The following NRXN3 variants were observed in gnomAD, a reference collection of about 807,000 sequenced individuals.
NRXN3 encodes the protein neurexin III.
A neutral mutation model predicts 137.6 loss-of-function variants in NRXN3; 32 were observed. That is an observed-to-expected ratio of 0.23 (90% confidence interval 0.18 to 0.31). The LOEUF is 0.31. Ranked by LOEUF, NRXN3 falls within the 10% of genes least tolerant of loss-of-function variation. NRXN3 has a pLI of 1.00. For synonymous variants in NRXN3, 798 were observed against 784.5 expected, an observed-to-expected ratio of 1.02 and a Z score of -0.29; for missense variants, 1,574 against 2,062.5, an observed-to-expected ratio of 0.76 and a Z score of 4.59.
chr14:78,728,842 T>TGAGCTGA (rs1299496501), intron 8 of NRXN3, among the ~76,000 whole-genome samples: 3 of 152,166 alleles, frequency 2.0e-5, no homozygotes, highest in African/African-American at 2.4e-5. Flanking sequence ...GAGGTTGCAG[T>TGAGCTGA]GAGCTGAGAC....
At chr14:79,582,026 G>C (rs116615335) in intron 16 of NRXN3, among the ~76,000 whole-genome samples, 7 of 152,116 alleles carry the variant, frequency 4.6e-5, no homozygotes, top group African/African-American at 1.7e-4. Flanking sequence ...TCCCAGGCTC[G>C]TGATTCACCT....
chr14:79,443,134 T>C (rs547140696), intron 15 of NRXN3, among the ~76,000 whole-genome samples: 1 of 152,374 alleles, frequency 6.6e-6, no homozygotes, highest in Non-Finnish European at 1.5e-5. Flanking sequence ...TAATGTAAAA[T>C]CATTTACAAT....
At chr14:78,642,946 C>T (rs146350384) in intron 4 of NRXN3, among the ~76,000 whole-genome samples, 1 of 152,256 alleles carries the variant, frequency 6.6e-6, no homozygotes, top group African/African-American at 2.4e-5. Flanking sequence ...TATAGGTGAA[C>T]AGGTCTCTTT....
chr14:79,709,672 A>C (rs1002904438), intron 19 of NRXN3, among the ~76,000 whole-genome samples: 1 of 152,092 alleles, frequency 6.6e-6, no homozygotes, highest in Non-Finnish European at 1.5e-5. Context: ...CTCCTCCCGG[A>C]TACTGAGAGA....
At chr14:79,810,887 G>A (rs1418296049) in intron 20 of NRXN3, among the ~76,000 whole-genome samples, 1 of 152,192 alleles carries the variant, frequency 6.6e-6, no homozygotes, top group Non-Finnish European at 1.5e-5. Flanking sequence ...AGAATTTATA[G>A]ATAACAAGTA....
At position 79,864,442 on chromosome 14, in the gene NRXN3, A is replaced by G. The variant is rs1287422471; in HGVS notation, c.*2478A>G. Reference sequence around the variant, plus strand: ...AAACCTTGTATGCTGATGCACTTTTATTTTCTTAACATTTGAGAAAATCTC... The same window carrying G: ...AAACCTTGTATGCTGATGCACTTTTGTTTTCTTAACATTTGAGAAAATCTC... On this transcript the variant is annotated 3_prime_UTR_variant, in exon 21 of 21. Coordinates refer to ENST00000335750, the MANE Select transcript of NRXN3 (RefSeq NM_001330195.2). The G allele has an allele frequency of 6.6e-6, 1 of 152,568 alleles. No individual in the cohort carries two copies. The highest frequency in any genetic ancestry group is 1.9e-4 in the East Asian group (1 of 5,184). The allele number at this position is 152,568 out of a possible 1,614,324, so 9.5% of individuals were successfully genotyped here.
At chr14:79,813,041 G>A (rs944043958) in intron 20 of NRXN3, among the ~76,000 whole-genome samples, 1 of 152,018 alleles carries the variant, frequency 6.6e-6, no homozygotes, top group African/African-American at 2.4e-5. Flanking sequence ...TATACTGCCT[G>A]TCACTCCATA....
At chr14:78,745,759 G>T (rs981118769) in intron 8 of NRXN3, among the ~76,000 whole-genome samples, 3 of 152,116 alleles carry the variant, frequency 2.0e-5, no homozygotes, top group African/African-American at 7.2e-5. Flanking sequence ...CATCTCAATA[G>T]TTGATCCTCT....
chr14:78,682,386 C>T (rs1425028898), intron 6 of NRXN3, among the ~76,000 whole-genome samples: 1 of 144,636 alleles, frequency 6.9e-6, no homozygotes, highest in Non-Finnish European at 1.5e-5. Flanking sequence ...CTTCCCTGCA[C>T]CAAACATCTG....
At chr14:78,474,618 G>T (rs2095346311) in intron 4 of NRXN3, among the ~76,000 whole-genome samples, 1 of 151,920 alleles carries the variant, frequency 6.6e-6, no homozygotes, top group Non-Finnish European at 1.5e-5. Flanking sequence ...ATAAGTTCCT[G>T]GTTGCTAAGG....
chr14:79,387,636 A>G (rs1444765026), intron 15 of NRXN3, among the ~76,000 whole-genome samples: 1 of 130,146 alleles, frequency 7.7e-6, no homozygotes, highest in Non-Finnish European at 1.7e-5. Flanking sequence ...TCATGTTGCT[A>G]TAAAGACACA....
At chr14:79,273,044 C>T (rs192866074) in intron 15 of NRXN3, among the ~76,000 whole-genome samples, 3 of 151,718 alleles carry the variant, frequency 2.0e-5, no homozygotes, top group East Asian at 2.0e-4. Context: ...TGGTGGCTTG[C>T]GCCTGTAATT....
intron 4 of NRXN3, among the ~76,000 whole-genome samples, chr14:78,642,856 T>A (rs562195297): frequency 3.9e-5 from 6 of 152,228 alleles, no homozygotes; most frequent in Non-Finnish European, 5.9e-5. Context: ...TTTATTATTT[T>A]TGGGGGGCTA....
intron 15 of NRXN3, among the ~76,000 whole-genome samples, chr14:79,167,687 A>G (rs1212824654): frequency 6.7e-6 from 1 of 149,388 alleles, no homozygotes; most frequent in Non-Finnish European, 1.5e-5. Flanking sequence ...CTGCTACTTT[A>G]TTTTTTATGC....
At chr14:78,762,661 G>C (rs955663513) in intron 8 of NRXN3, among the ~76,000 whole-genome samples, 1 of 152,176 alleles carries the variant, frequency 6.6e-6, no homozygotes, top group African/African-American at 2.4e-5. Flanking sequence ...AATCAGTGCT[G>C]TTTCCTCAGT....
chr14:79,546,943 T>TA (rs1567460427), intron 16 of NRXN3, among the ~76,000 whole-genome samples: 2 of 152,144 alleles, frequency 1.3e-5, no homozygotes, highest in African/African-American at 4.8e-5. Context: ...GCCTAAATAA[T>TA]AGAGAGGTGT....
At chr14:79,142,055 T>C (rs1333145527) in intron 15 of NRXN3, among the ~76,000 whole-genome samples, 1 of 152,192 alleles carries the variant, frequency 6.6e-6, no homozygotes, top group Non-Finnish European at 1.5e-5. Flanking sequence ...GAGATTCTTT[T>C]GGGGGGTTCA....
rs76410210 is a variant in NRXN3, at chr14:79,426,003, G to C, written c.3263-41218G>C. Among the ~76,000 whole-genome samples, 438 of 152,032 alleles carry C rather than the reference G, an allele frequency of 2.9e-3. 8 individuals carry two copies. In the East Asian group the frequency reaches 0.046, roughly 16 times the overall value. On this transcript the variant is annotated intron_variant, in intron 15 of 20. Coordinates refer to ENST00000335750, the MANE Select transcript of NRXN3 (RefSeq NM_001330195.2). ...ATGAGAGTCTGGAGAGAAGGGGAGA[G>C]AGAGAGAGAGAGAGAGAAATAGATT...
chr14:78,491,114 T>G (rs1247464258), intron 4 of NRXN3, among the ~76,000 whole-genome samples: 1 of 152,126 alleles, frequency 6.6e-6, no homozygotes, highest in Non-Finnish European at 1.5e-5. Context: ...GGAAGAGTTA[T>G]AAAGAAGAAA....
Sources: allele counts gnomAD v4.1 joint callset (sites outside exome capture counted in the v4.1 genomes callset), GRCh38; gene constraint gnomAD v4.1.1; transcripts MANE v1.5; gene names NCBI Gene and HGNC (gene_info 2026-07-23, HGNC 2026-07-21).